Variants in CACNA2D3 observed in about 807,000 individuals in gnomAD.
CACNA2D3 encodes voltage-dependent calcium channel subunit alpha-2/delta-3.
In CACNA2D3, 60 loss-of-function variants were observed where a neutral mutation model predicts 160.6. The ratio of observed to expected loss-of-function variants is 0.37; its 90% CI spans 0.30 to 0.46. The LOEUF (loss-of-function observed/expected upper bound fraction) is 0.46, where lower values mean the gene tolerates loss of function less well. Ranked by LOEUF, CACNA2D3 falls within the 20% of genes least tolerant of loss-of-function variation. The pLI is 1.00. For missense variants in CACNA2D3, 1,205 were observed against 1,365.0 expected (o/e 0.88, Z 1.85); for synonymous variants, 558 against 492.9 (o/e 1.13, Z -1.75).
At chr3:54,138,306 A>T (rs998987872) in intron 2 of CACNA2D3, among the ~76,000 whole-genome samples, 7 of 152,178 alleles carry the variant, frequency 4.6e-5, no homozygotes, top group Non-Finnish European at 7.3e-5. Context: ...AGAGAGAGGA[A>T]ATTTGGAGAT....
At chr3:54,410,799 T>C (rs1168649661) in intron 4 of CACNA2D3, among the ~76,000 whole-genome samples, 1 of 152,196 alleles carries the variant, frequency 6.6e-6, no homozygotes, top group African/African-American at 2.4e-5. Flanking sequence ...CAAGTCTTAT[T>C]ATTTAAGAAA....
At chr3:54,875,910 A>G (rs1298064006) in intron 18 of CACNA2D3, among the ~76,000 whole-genome samples, 1 of 152,170 alleles carries the variant, frequency 6.6e-6, no homozygotes, top group African/African-American at 2.4e-5. Flanking sequence ...TGTCCATTGC[A>G]TTACCACACT....
intron 4 of CACNA2D3, among the ~76,000 whole-genome samples, chr3:54,478,873 C>T (rs1700886637): frequency 1.3e-5 from 2 of 150,586 alleles, no homozygotes; most frequent in African/African-American, 4.9e-5. Context: ...CTAATAATTA[C>T]TTATTACTTA....
chr3:54,612,832 C>G (rs1698770403), intron 9 of CACNA2D3, among the ~76,000 whole-genome samples: 2 of 152,158 alleles, frequency 1.3e-5, no homozygotes, highest in South Asian at 4.1e-4. Flanking sequence ...CTGAAATGAC[C>G]CACCAGTCTA....
chr3:54,886,159 A>G (rs896434588), intron 23 of CACNA2D3, among the ~76,000 whole-genome samples: 2 of 23,444 alleles, frequency 8.5e-5, no homozygotes, highest in East Asian at 5.1e-3. Flanking sequence ...CAGACCCTAT[A>G]CTCTCACAGT....
chr3:54,747,787 T>G (rs1553823560), intron 11 of CACNA2D3, among the ~76,000 whole-genome samples: 1 of 152,140 alleles, frequency 6.6e-6, no homozygotes, highest in Non-Finnish European at 1.5e-5. Flanking sequence ...GGCTTGTTCC[T>G]TCTCCCCCAC....
At position 54,791,571 on chromosome 3, in the gene CACNA2D3, T is replaced by C. The variant is rs991152940; in HGVS notation, c.1381-25282T>C. Reference sequence around the variant, plus strand: ...ACTCTGGGTAATTTAAATAAAATCTTTTCTGTAAATAGTTTATGCTCATTA... The same window carrying C: ...ACTCTGGGTAATTTAAATAAAATCTCTTCTGTAAATAGTTTATGCTCATTA... On this transcript the variant is annotated intron_variant, in intron 13 of 37. Coordinates refer to ENST00000474759, the MANE Select transcript of CACNA2D3 (RefSeq NM_018398.3). Among the ~76,000 whole-genome samples the C allele has an allele frequency of 7.9e-5, 12 of 152,334 alleles. 1 individual carries two copies. Among genetic ancestry groups the C allele is most frequent in the African/African-American group, 2.9e-4 (12 of 41,584 alleles).
chr3:54,854,865 G>T (rs937180705), intron 17 of CACNA2D3, among the ~76,000 whole-genome samples: 1 of 152,184 alleles, frequency 6.6e-6, no homozygotes, highest in Non-Finnish European at 1.5e-5. Context: ...GTCTTCAGAA[G>T]AAAAACCAAG....
At chr3:54,800,226 C>G (rs1575481648) in intron 13 of CACNA2D3, among the ~76,000 whole-genome samples, 1 of 152,282 alleles carries the variant, frequency 6.6e-6, no homozygotes, top group South Asian at 2.1e-4. Context: ...ACACTGCCGC[C>G]TTCGATGAAT....
intron 17 of CACNA2D3, among the ~76,000 whole-genome samples, chr3:54,866,969 T>C (rs1056998366): frequency 1.3e-5 from 2 of 152,230 alleles, no homozygotes; most frequent in Admixed American, 6.5e-5. Context: ...CCCACAGATT[T>C]TTTTCGTAAA....
rs374384440 is a variant in CACNA2D3, at chr3:54,387,104, A to G, written c.381+330A>G. On this transcript the variant is annotated intron_variant, in intron 4 of 37. Transcript: ENST00000474759. ...TGATAAGATAGCAGAATACATCCAA[A>G]TCCCACTTGGCTGGCTGCATTTTGG... 3.9e-5 allele frequency among the ~76,000 whole-genome samples: 6 copies of G among 152,320 alleles called. No individual in the cohort carries two copies. The East Asian group carries it at 1.2e-3, about 29-fold the overall frequency.
rs190224394 is a variant in CACNA2D3, at chr3:54,519,017, C to T, written c.544+15363C>T. Among the ~76,000 whole-genome samples the T allele has an allele frequency of 5.8e-3, 78 of 13,440 alleles. No individual in the cohort carries two copies. In the Middle Eastern group the frequency reaches 0.065, roughly 11 times the overall value. The allele number at this position is 13,440 out of a possible 152,430, so 8.8% of individuals were successfully genotyped here. On this transcript the variant is annotated intron_variant, in intron 5 of 37. Transcript: ENST00000474759. ...AAGAACCTCACAGGGTGTGGGGGTC[C>T]GAGTGCCACCTGCACACGGAAGTCA... is the stretch of plus-strand genomic sequence containing the variant.
chr3:54,552,152 C>T (rs528094287), intron 5 of CACNA2D3, among the ~76,000 whole-genome samples: 38 of 152,192 alleles, frequency 2.5e-4, no homozygotes, highest in African/African-American at 9.2e-4. Flanking sequence ...GCCTCACTGG[C>T]CTGCTTTGCA....
intron 27 of CACNA2D3, among the ~76,000 whole-genome samples, chr3:54,940,582 C>T (rs1167570258): frequency 6.6e-6 from 1 of 152,120 alleles, no homozygotes; most frequent in Admixed American, 6.5e-5. Context: ...GCAGCATTTT[C>T]AAAAACCTTG....
intron 2 of CACNA2D3, among the ~76,000 whole-genome samples, chr3:54,242,192 G>A (rs775372353): frequency 1.2e-4 from 18 of 152,196 alleles, no homozygotes; most frequent in Middle Eastern, 3.4e-3. Context: ...AGGCTGAGAC[G>A]GGTAGATCAA....
intron 11 of CACNA2D3, among the ~76,000 whole-genome samples, chr3:54,693,075 G>A (rs1225692115): frequency 7.9e-5 from 12 of 151,906 alleles, no homozygotes; most frequent in Non-Finnish European, 1.8e-4. Context: ...CCCCAAAGTT[G>A]TGTAGTAACA....
intron 27 of CACNA2D3, among the ~76,000 whole-genome samples, chr3:54,934,236 G>A (rs935831432): frequency 2.0e-5 from 3 of 152,156 alleles, no homozygotes; most frequent in Admixed American, 1.3e-4. Context: ...ATGCCCTAAG[G>A]TCATTTTTTA....
At chr3:54,128,761 C>G (rs1699648091) in intron 2 of CACNA2D3, among the ~76,000 whole-genome samples, 1 of 152,122 alleles carries the variant, frequency 6.6e-6, no homozygotes, top group Non-Finnish European at 1.5e-5. Context: ...ATTGTGTGTT[C>G]CCTGGGACAC....
At chr3:54,924,694 G>A (rs145632656) in intron 27 of CACNA2D3, 2 of 1,614,136 alleles carry the variant, frequency 1.2e-6, no homozygotes, top group East Asian at 2.2e-5. Context: ...TTGTCCTTGA[G>A]AAGTAAAAGC....
Sources: gnomAD v4.1 joint callset for allele counts (sites outside exome capture counted in the v4.1 genomes callset) on GRCh38, gnomAD v4.1.1 for gene constraint, MANE v1.5 for transcripts, NCBI Gene and HGNC (gene_info 2026-07-23, HGNC 2026-07-21) for gene names.